MTA3: variants seen among roughly 807,000 people sequenced by gnomAD.
MTA3 encodes the protein metastasis-associated protein MTA3.
Under a neutral mutation model 83.5 loss-of-function variants are expected in MTA3, and 34 were observed. The observed-to-expected ratio is 0.41, with a 90% confidence interval of 0.31 to 0.54. The LOEUF is 0.54. Ranked by LOEUF, MTA3 falls within the 20% of genes least tolerant of loss-of-function variation. The probability of loss-of-function intolerance (pLI) is 0.33; values close to 1 mark genes in which losing one functional copy is unlikely to be tolerated. For missense variants in MTA3, 761 were observed against 726.4 expected, an observed-to-expected ratio of 1.05 and a Z score of -0.55; for synonymous variants, 303 against 252.7, an observed-to-expected ratio of 1.20 and a Z score of -1.89.
At chr2:42,507,740 G>A (rs983597770) in intron 2 of MTA3, among the ~76,000 whole-genome samples, 1 of 151,684 alleles carries the variant, frequency 6.6e-6, no homozygotes, top group Admixed American at 6.6e-5. Flanking sequence ...ACCAGCCTGA[G>A]CAATATAGTG....
chr2:42,682,334 A>G (rs1384944194), intron 8 of MTA3, 67 bp from the exon 9 acceptor site: 1 of 1,199,856 alleles, frequency 8.3e-7, no homozygotes. Context: ...TTTAGTGTTT[A>G]TATTCTTACA....
intron 2 of MTA3, among the ~76,000 whole-genome samples, chr2:42,498,015 CTTTGCA>C (rs576416415): frequency 5.8e-4 from 89 of 152,336 alleles, no homozygotes; most frequent in Non-Finnish European, 1.2e-3. Flanking sequence ...TCCTCCATCA[CTTTGCA>C]TTGCATAACT....
At chr2:42,562,262 C>A (rs1005233583) in intron 2 of MTA3, among the ~76,000 whole-genome samples, 7 of 152,148 alleles carry the variant, frequency 4.6e-5, no homozygotes, top group Non-Finnish European at 8.8e-5. Flanking sequence ...CAAATAAGGT[C>A]ATATTCGCAG....
At chr2:42,675,063 C>T (rs999393829) in intron 8 of MTA3, among the ~76,000 whole-genome samples, 3 of 152,032 alleles carry the variant, frequency 2.0e-5, no homozygotes, top group African/African-American at 7.2e-5. Context: ...TCTGGGATTA[C>T]ATGCCTGAGC....
chr2:42,536,734 C>T (rs1572942925), intron 2 of MTA3, among the ~76,000 whole-genome samples: 2 of 151,600 alleles, frequency 1.3e-5, no homozygotes, highest in South Asian at 2.1e-4. Flanking sequence ...TAGCAGGCGC[C>T]TGTAGTCCCA....
At chr2:42,546,258 T>C (rs995217755) in intron 2 of MTA3, among the ~76,000 whole-genome samples, 2 of 152,164 alleles carry the variant, frequency 1.3e-5, no homozygotes, top group Non-Finnish European at 1.5e-5. Context: ...GCTAATGAAG[T>C]GGCTCCACTC....
intron 4 of MTA3, among the ~76,000 whole-genome samples, chr2:42,628,048 C>T (rs1362020721): frequency 2.0e-5 from 3 of 151,776 alleles, no homozygotes; most frequent in African/African-American, 7.3e-5. Flanking sequence ...CCACGCCCAG[C>T]TAATTTTTGT....
chr2:42,666,149 C>T (rs922387527), intron 8 of MTA3, among the ~76,000 whole-genome samples: 9 of 152,090 alleles, frequency 5.9e-5, no homozygotes, highest in Non-Finnish European at 1.2e-4. Flanking sequence ...TGGTGGCACG[C>T]ACCTGTAGTC....
intron 3 of MTA3, among the ~76,000 whole-genome samples, chr2:42,586,821 G>A (rs935732989): frequency 6.6e-6 from 1 of 152,196 alleles, no homozygotes; most frequent in African/African-American, 2.4e-5. Flanking sequence ...TCAGAAGATC[G>A]AGACCATCCT....
intron 2 of MTA3, among the ~76,000 whole-genome samples, chr2:42,526,058 C>A (rs575196434): frequency 1.4e-4 from 22 of 152,228 alleles, no homozygotes; most frequent in African/African-American, 4.8e-4. Context: ...CAAATGCCAC[C>A]TGAAGAAACC....
chr2:42,726,719 T>C (rs957542052), intron 16 of MTA3, among the ~76,000 whole-genome samples: 1 of 152,198 alleles, frequency 6.6e-6, no homozygotes, highest in African/African-American at 2.4e-5. Context: ...GACAGCTTCT[T>C]ATTTCCTCCC....
At chr2:42,602,955 C>T (rs1476524114) in intron 3 of MTA3, among the ~76,000 whole-genome samples, 1 of 152,162 alleles carries the variant, frequency 6.6e-6, no homozygotes, top group Non-Finnish European at 1.5e-5. Context: ...CTCTGTCATG[C>T]TTCCAGAGTA....
At chr2:42,506,006 C>A (rs1674612841) in intron 2 of MTA3, among the ~76,000 whole-genome samples, 1 of 152,136 alleles carries the variant, frequency 6.6e-6, no homozygotes, top group South Asian at 2.1e-4. Context: ...CTCAAATGAT[C>A]TGCCCGCCCC....
intron 10 of MTA3, 135 bp from the exon 11 acceptor site, chr2:42,697,641 A>C (rs1333061889): frequency 3.3e-6 from 2 of 610,588 alleles, no homozygotes; most frequent in East Asian, 6.4e-5. Context: ...AAGAATATGC[A>C]TATGAAAGAA....
intron 16 of MTA3, chr2:42,752,321 G>A: frequency 2.1e-6 from 1 of 469,774 alleles, no homozygotes; most frequent in Admixed American, 2.4e-5. Flanking sequence ...AGCATTGCTG[G>A]GTCCTTTCCT....
chr2:42,738,067 G>C (rs1310019080), intron 16 of MTA3, among the ~76,000 whole-genome samples: 1 of 152,200 alleles, frequency 6.6e-6, no homozygotes, highest in South Asian at 2.1e-4. Flanking sequence ...TTTGAGATCA[G>C]CATTGGCAAC....
At chr2:42,533,639 C>A (rs1186763364) in intron 2 of MTA3, among the ~76,000 whole-genome samples, 1 of 149,778 alleles carries the variant, frequency 6.7e-6, no homozygotes, top group Non-Finnish European at 1.5e-5. Context: ...CGAGACCATC[C>A]TGGCTAACAC....
At chr2:42,502,257 C>T (rs1314889966) in intron 2 of MTA3, among the ~76,000 whole-genome samples, 3 of 152,104 alleles carry the variant, frequency 2.0e-5, no homozygotes, top group Non-Finnish European at 4.4e-5. Flanking sequence ...CAAAAAAGAA[C>T]GTTGGCTCTG....
At chr2:42,518,334 T>TA (rs960623101) in intron 2 of MTA3, among the ~76,000 whole-genome samples, 8 of 152,116 alleles carry the variant, frequency 5.3e-5, no homozygotes, top group Non-Finnish European at 7.4e-5. Context: ...AAGATGAACT[T>TA]AGAGTGTCTT....
Sources: gnomAD v4.1 joint callset for allele counts (sites outside exome capture counted in the v4.1 genomes callset) on GRCh38, gnomAD v4.1.1 for gene constraint, MANE v1.5 for transcripts, NCBI Gene and HGNC (gene_info 2026-07-23, HGNC 2026-07-21) for gene names.